The following CCSER1 variants were observed in gnomAD, a reference collection of about 807,000 sequenced individuals.
CCSER1 encodes the protein serine-rich coiled-coil domain-containing protein 1.
CCSER1 carries 41 observed loss-of-function variants against 82.0 expected under a neutral mutation model. That is an observed-to-expected ratio of 0.50 (90% confidence interval 0.39 to 0.65). CCSER1 has a LOEUF of 0.65. Among genes scored for constraint, CCSER1 ranks in the 30% least tolerant of loss-of-function variants. CCSER1 has a pLI of 0.00. For missense variants in CCSER1, 1,119 were observed against 1,064.2 expected, an observed-to-expected ratio of 1.05 and a Z score of -0.72; for synonymous variants, 414 against 383.9, an observed-to-expected ratio of 1.08 and a Z score of -0.92.
At chr4:90,802,971 T>A (rs774910275) in intron 7 of CCSER1, among the ~76,000 whole-genome samples, 1 of 152,166 alleles carries the variant, frequency 6.6e-6, no homozygotes, top group Non-Finnish European at 1.5e-5. Flanking sequence ...TTCTTTGTTT[T>A]TTAATCTTTT....
intron 3 of CCSER1, among the ~76,000 whole-genome samples, chr4:90,350,827 A>G (rs1347932544): frequency 6.6e-6 from 1 of 152,160 alleles, no homozygotes; most frequent in Non-Finnish European, 1.5e-5. Flanking sequence ...AATCTGTTTC[A>G]TAAAGATAAT....
Position 90,742,836 on chromosome 4 carries a change from G to A in CCSER1, c.2010+18845G>A, listed in dbSNP as rs142828793. ...GGCTTATGTTGTTATTTTTTGTTTC[G>A]TAAAATGTGTAATTCAACTACTGTT... On this transcript the variant is annotated intron_variant, in intron 7 of 10. Coordinates refer to ENST00000509176, the MANE Select transcript of CCSER1 (RefSeq NM_001145065.2). Among the ~76,000 whole-genome samples the A allele has an allele frequency of 1.8e-3, 270 of 152,106 alleles. 1 individual carries two copies. The highest frequency in any genetic ancestry group is 6.0e-3 in the African/African-American group (249 of 41,504).
intron 9 of CCSER1, among the ~76,000 whole-genome samples, chr4:91,034,906 T>G (rs1741300828): frequency 6.6e-6 from 1 of 152,198 alleles, no homozygotes; most frequent in African/African-American, 2.4e-5. Flanking sequence ...TCCTTAATTC[T>G]TTTAATTGCA....
At chr4:91,493,144 TGTGA>T (rs1221572617) in intron 10 of CCSER1, among the ~76,000 whole-genome samples, 1 of 151,354 alleles carries the variant, frequency 6.6e-6, no homozygotes, top group Non-Finnish European at 1.5e-5. Context: ...GCCTGAAGGA[TGTGA>T]GTCTTATTTG....
intron 8 of CCSER1, among the ~76,000 whole-genome samples, chr4:90,889,326 C>T (rs930267752): frequency 6.6e-6 from 1 of 152,074 alleles, no homozygotes; most frequent in South Asian, 2.1e-4. Flanking sequence ...ATGGTAACAA[C>T]ACATAATGAT....
intron 10 of CCSER1, among the ~76,000 whole-genome samples, chr4:91,415,515 T>G (rs1011942641): frequency 1.3e-5 from 2 of 152,160 alleles, no homozygotes; most frequent in African/African-American, 4.8e-5. Flanking sequence ...TGCTTCCAGC[T>G]TTTGCCCATT....
chr4:90,948,074 C>T (rs1294792742), intron 9 of CCSER1, among the ~76,000 whole-genome samples: 1 of 151,908 alleles, frequency 6.6e-6, no homozygotes, highest in Non-Finnish European at 1.5e-5. Context: ...ACAAAGTAAA[C>T]TGCATCTTTC....
intron 1 of CCSER1, among the ~76,000 whole-genome samples, chr4:90,211,413 A>G (rs924960141): frequency 6.6e-6 from 1 of 152,242 alleles, no homozygotes; most frequent in Non-Finnish European, 1.5e-5. Context: ...AACTGGTTAC[A>G]TTTAAAATGA....
intron 5 of CCSER1, among the ~76,000 whole-genome samples, chr4:90,557,218 A>G (rs948183033): frequency 6.6e-6 from 1 of 152,030 alleles, no homozygotes; most frequent in Non-Finnish European, 1.5e-5. Flanking sequence ...TGCTCAGCGG[A>G]TAATACCTGT....
chr4:90,337,565 G>C (rs1272731743), intron 3 of CCSER1, among the ~76,000 whole-genome samples: 1 of 151,932 alleles, frequency 6.6e-6, no homozygotes, highest in Non-Finnish European at 1.5e-5. Flanking sequence ...TGAGGAAATT[G>C]AGATATATAG....
intron 10 of CCSER1, among the ~76,000 whole-genome samples, chr4:91,555,563 C>T (rs1231012327): frequency 1.3e-5 from 2 of 150,852 alleles, no homozygotes; most frequent in African/African-American, 2.4e-5. Flanking sequence ...TTTATACTAA[C>T]ATTAATGTTA....
chr4:91,095,636 C>T (rs774472972), intron 10 of CCSER1, among the ~76,000 whole-genome samples: 43 of 152,112 alleles, frequency 2.8e-4, no homozygotes, highest in Admixed American at 1.0e-3. Context: ...CAGGACTATC[C>T]GGATCAAAAG....
At chr4:90,674,339 T>C (rs530603037) in intron 6 of CCSER1, among the ~76,000 whole-genome samples, 6 of 152,116 alleles carry the variant, frequency 3.9e-5, no homozygotes, top group Admixed American at 2.0e-4. Flanking sequence ...CAGCAGATTG[T>C]ACCTTATCTG....
intron 10 of CCSER1, among the ~76,000 whole-genome samples, chr4:91,357,502 T>C (rs548663809): frequency 1.3e-5 from 2 of 152,306 alleles, no homozygotes; most frequent in African/African-American, 4.8e-5. Flanking sequence ...ATTTTCTTTA[T>C]AATTAACATT....
chr4:91,120,298 A>C (rs935882878), intron 10 of CCSER1, among the ~76,000 whole-genome samples: 3 of 152,050 alleles, frequency 2.0e-5, no homozygotes, highest in African/African-American at 7.2e-5. Context: ...GGTTTATGGA[A>C]GTAATTGCAT....
At chr4:90,674,124 A>G (rs1394759424) in intron 6 of CCSER1, among the ~76,000 whole-genome samples, 1 of 151,994 alleles carries the variant, frequency 6.6e-6, no homozygotes, top group Non-Finnish European at 1.5e-5. Flanking sequence ...GGATTTATAT[A>G]TGTTTTAAAG....
At chr4:90,603,108 T>A (rs1784222842) in intron 5 of CCSER1, among the ~76,000 whole-genome samples, 1 of 152,194 alleles carries the variant, frequency 6.6e-6, no homozygotes, top group Non-Finnish European at 1.5e-5. Context: ...TATTTAGAAG[T>A]ATCGGTTACT....
At chr4:91,274,387 T>C (rs1343737730) in intron 10 of CCSER1, among the ~76,000 whole-genome samples, 5 of 152,182 alleles carry the variant, frequency 3.3e-5, no homozygotes, top group Admixed American at 3.3e-4. Flanking sequence ...TTGTTTACTA[T>C]AGTCACCCTA....
rs572407320 is a variant in CCSER1 at position 91,258,371 on chromosome 4, T to G, written c.2217+172377T>G. ...ATCAGCAATATTTTCAGAAATTTCC[T>G]TGGTACAGAACACCCTCTTCCTGGG... On this transcript the variant is annotated intron_variant, in intron 10 of 10. Transcript: ENST00000509176. 5.3e-5 allele frequency among the ~76,000 whole-genome samples: 8 copies of G among 152,200 alleles called. No individual in the cohort carries two copies. In the South Asian group the frequency reaches 1.2e-3, roughly 24 times the overall value.
Sources: allele counts gnomAD v4.1 joint callset (sites outside exome capture counted in the v4.1 genomes callset), GRCh38; gene constraint gnomAD v4.1.1; transcripts MANE v1.5; gene names NCBI Gene and HGNC (gene_info 2026-07-23, HGNC 2026-07-21).